RBFOX1: variants seen among roughly 807,000 people sequenced by gnomAD.
RBFOX1 encodes RNA binding fox-1 homolog 1.
Under a neutral mutation model 57.7 loss-of-function variants are expected in RBFOX1, and 8 were observed. The ratio of observed to expected loss-of-function variants is 0.14; its 90% CI spans 0.08 to 0.25. The LOEUF is 0.25. RBFOX1 is among the 10% of genes least tolerant of loss of function. The pLI is 1.00. For synonymous variants in RBFOX1, 326 were observed against 222.4 expected (o/e 1.47, Z -4.15); for missense variants, 611 against 548.5 (o/e 1.11, Z -1.14).
At chr16:6,866,658 C>T (rs1445002681) in intron 3 of RBFOX1, among the ~76,000 whole-genome samples, 1 of 148,388 alleles carries the variant, frequency 6.7e-6, no homozygotes, top group Non-Finnish European at 1.5e-5. Flanking sequence ...TCTCCTGCCT[C>T]AGCCTTCCGA....
At chr16:6,804,161 C>G (rs1033248792) in intron 3 of RBFOX1, among the ~76,000 whole-genome samples, 1 of 152,054 alleles carries the variant, frequency 6.6e-6, no homozygotes, top group Admixed American at 6.5e-5. Flanking sequence ...GTGCCCGCCA[C>G]CATGCCCAGC....
intron 1 of RBFOX1, among the ~76,000 whole-genome samples, chr16:5,265,573 A>G (rs1202057301): frequency 6.6e-6 from 1 of 152,214 alleles, no homozygotes; most frequent in South Asian, 2.1e-4. Flanking sequence ...AAAATTGACA[A>G]TAAAATGCTG....
intron 4 of RBFOX1, among the ~76,000 whole-genome samples, chr16:7,277,625 G>T (rs778862974): frequency 2.6e-5 from 4 of 152,010 alleles, no homozygotes; most frequent in East Asian, 1.9e-4. Context: ...TTATTTCTTA[G>T]TCTCAGTGGT....
chr16:6,906,246 C>CCT (rs1555608894), intron 3 of RBFOX1, among the ~76,000 whole-genome samples: 2 of 151,988 alleles, frequency 1.3e-5, no homozygotes, highest in African/African-American at 4.8e-5. Flanking sequence ...ATTACCCCCC[C>CCT]CCAAAATATA....
intron 4 of RBFOX1, among the ~76,000 whole-genome samples, chr16:5,917,892 C>T (rs1338693506): frequency 2.0e-5 from 3 of 152,152 alleles, no homozygotes; most frequent in Non-Finnish European, 4.4e-5. Flanking sequence ...CCTCCCCTTT[C>T]TCTTCCCGCT....
At chr16:5,599,422 C>G (rs2047293682) in exon 3 of RBFOX1, 3 of 567,894 alleles carry the variant, frequency 5.3e-6, no homozygotes, top group Admixed American at 3.3e-5. Flanking sequence ...GGGTACATAA[C>G]CTGGGATGAT....
At chr16:7,203,150 A>G (rs2089061415) in intron 4 of RBFOX1, among the ~76,000 whole-genome samples, 1 of 152,224 alleles carries the variant, frequency 6.6e-6, no homozygotes, top group African/African-American at 2.4e-5. Flanking sequence ...AGTGTTTATC[A>G]ATGATGAACA....
At chr16:5,862,501 G>A (rs117479264) in intron 3 of RBFOX1, among the ~76,000 whole-genome samples, 6,262 of 152,250 alleles carry the variant, frequency 0.041, 182 homozygotes, top group Admixed American at 0.061. Context: ...TCAGTGAGAG[G>A]GGAAGGGATA....
intron 1 of RBFOX1, among the ~76,000 whole-genome samples, chr16:6,137,379 A>G (rs1261027985): frequency 6.6e-6 from 1 of 152,072 alleles, no homozygotes; most frequent in Non-Finnish European, 1.5e-5. Context: ...ATCCCGGCTC[A>G]CTGCAGCTGC....
chr16:6,545,322 C>T (rs1024583580), intron 2 of RBFOX1, among the ~76,000 whole-genome samples: 12 of 152,140 alleles, frequency 7.9e-5, no homozygotes, highest in African/African-American at 1.7e-4. Flanking sequence ...AAAACCCAAA[C>T]GTAAAATAAA....
At chr16:6,068,290 G>A (rs1433226679) in intron 1 of RBFOX1, among the ~76,000 whole-genome samples, 1 of 152,172 alleles carries the variant, frequency 6.6e-6, no homozygotes, top group Non-Finnish European at 1.5e-5. Flanking sequence ...CAGGAATGTG[G>A]CAGGCCAGGT....
At chr16:6,904,104 A>G (rs1453364716) in intron 3 of RBFOX1, among the ~76,000 whole-genome samples, 1 of 151,912 alleles carries the variant, frequency 6.6e-6, no homozygotes, top group Admixed American at 6.6e-5. Flanking sequence ...CTTATTCACC[A>G]CCCCTATACC....
At chr16:6,708,801 G>A (rs1444243626) in intron 3 of RBFOX1, among the ~76,000 whole-genome samples, 6 of 152,088 alleles carry the variant, frequency 3.9e-5, no homozygotes, top group Non-Finnish European at 7.4e-5. Context: ...CTGGCTGGGT[G>A]CACATTCTTA....
intron 5 of RBFOX1, among the ~76,000 whole-genome samples, chr16:7,537,398 C>G (rs570372986): frequency 6.6e-5 from 10 of 152,216 alleles, no homozygotes; most frequent in East Asian, 1.9e-4. Flanking sequence ...TGATGATGCT[C>G]TCTTTACAGT....
chr16:7,517,138 CGTGTGT>C (rs200887129), intron 4 of RBFOX1, among the ~76,000 whole-genome samples: 17,929 of 130,002 alleles, frequency 0.14, 1,327 homozygotes, highest in East Asian at 0.18. Context: ...TTTCTTATGC[CGTGTGT>C]GTGTGTGTGT....
intron 3 of RBFOX1, among the ~76,000 whole-genome samples, chr16:6,672,027 TG>T (rs1483626337): frequency 1.3e-5 from 2 of 152,230 alleles, no homozygotes; most frequent in African/African-American, 4.8e-5. Context: ...CTGTACCAAA[TG>T]TTTCTGACAT....
intron 3 of RBFOX1, among the ~76,000 whole-genome samples, chr16:6,907,878 T>G (rs980560749): frequency 1.3e-5 from 2 of 151,646 alleles, no homozygotes; most frequent in Admixed American, 6.6e-5. Context: ...CCGGCCAGCT[T>G]CTGTGGTTGG....
Position 6,785,148 on chromosome 16 carries a change from A to G in RBFOX1, c.-16+130498A>G, listed in dbSNP as rs937950953. 6.6e-5 allele frequency among the ~76,000 whole-genome samples: 10 copies of G among 152,038 alleles called. 1 individual carries two copies. The highest frequency in any genetic ancestry group is 2.1e-4 in the South Asian group (1 of 4,822). ...ATTATTAAATATAGTGTTATATTTC[A>G]TTTCTGAACAAAGAGATCTACGAGA... is the stretch of plus-strand genomic sequence containing the variant. On this transcript the variant is annotated intron_variant, in intron 3 of 15. Transcript: ENST00000550418.
intron 4 of RBFOX1, among the ~76,000 whole-genome samples, chr16:5,957,447 A>G (rs1032653066): frequency 2.6e-5 from 4 of 151,484 alleles, no homozygotes; most frequent in African/African-American, 9.7e-5. Flanking sequence ...CTGGTCTTGA[A>G]CCCCTCACCT....
Sources: gnomAD v4.1 joint callset for allele counts (sites outside exome capture counted in the v4.1 genomes callset) on GRCh38, gnomAD v4.1.1 for gene constraint, MANE v1.5 for transcripts, NCBI Gene and HGNC (gene_info 2026-07-23, HGNC 2026-07-21) for gene names.